Variants in SCAF8 observed in about 807,000 individuals in gnomAD.
SCAF8 encodes the protein SR-related and CTD-associated factor 8.
In SCAF8, 23 loss-of-function variants were observed where a neutral mutation model predicts 140.5. The ratio of observed to expected loss-of-function variants is 0.16; its 90% CI spans 0.12 to 0.23. The LOEUF is 0.23. SCAF8 is among the 10% of genes least tolerant of loss of function. The pLI is 1.00. For missense variants in SCAF8, 1,397 were observed against 1,555.7 expected (o/e 0.90, Z 1.72); for synonymous variants, 575 against 528.9 (o/e 1.09, Z -1.20).
intron 6 of SCAF8, among the ~76,000 whole-genome samples, chr6:154,796,395 C>CTGTCTGTT (rs1777610795): frequency 6.9e-6 from 1 of 145,646 alleles, no homozygotes; most frequent in African/African-American, 2.5e-5. Context: ...CTCTCTCTGT[C>CTGTCTGTT]TCTCTCTTTT....
At chr6:154,778,717 TCACAC>T (rs1776987272) in intron 3 of SCAF8, among the ~76,000 whole-genome samples, 1 of 151,462 alleles carries the variant, frequency 6.6e-6, no homozygotes, top group Admixed American at 6.6e-5. Flanking sequence ...TGAGCTGAGA[TCACAC>T]CACTGCACTC....
intron 1 of SCAF8, among the ~76,000 whole-genome samples, chr6:154,753,879 A>G (rs938912228): frequency 1.2e-4 from 19 of 152,128 alleles, no homozygotes; most frequent in Non-Finnish European, 4.4e-5. Flanking sequence ...ACTCTGTCAC[A>G]CAGGCTGGAG....
At chr6:154,760,965 C>CT (rs1168402537) in intron 1 of SCAF8, among the ~76,000 whole-genome samples, 3 of 150,462 alleles carry the variant, frequency 2.0e-5, no homozygotes, top group East Asian at 2.0e-4. Flanking sequence ...TTTCTTTTTT[C>CT]TTTTTTTTTA....
chr6:154,801,459 CAG>C (rs1491190789), intron 6 of SCAF8, among the ~76,000 whole-genome samples: 1 of 151,242 alleles, frequency 6.6e-6, no homozygotes, highest in Non-Finnish European at 1.5e-5. Flanking sequence ...TGTTTTTTAA[CAG>C]GGGTGGGTAC....
chr6:154,788,807 G>A (rs539241545), intron 4 of SCAF8, among the ~76,000 whole-genome samples: 1 of 152,272 alleles, frequency 6.6e-6, no homozygotes, highest in African/African-American at 2.4e-5. Flanking sequence ...TCATGAGCGA[G>A]CATAAAAAGG....
intron 1 of SCAF8, among the ~76,000 whole-genome samples, chr6:154,745,872 GTGTTTTT>G (rs982788305): frequency 7.2e-5 from 11 of 151,856 alleles, no homozygotes; most frequent in South Asian, 2.1e-4. Context: ...TGAACTCGTG[GTGTTTTT>G]TGTTTTTTGT....
At chr6:154,810,536 A>G (rs1213429651) in intron 12 of SCAF8, among the ~76,000 whole-genome samples, 2 of 152,214 alleles carry the variant, frequency 1.3e-5, no homozygotes, top group African/African-American at 4.8e-5. Flanking sequence ...CTTAGCAATT[A>G]TGGCCACCAG....
At chr6:154,808,298 C>T (rs1777982432) in intron 10 of SCAF8, 97 bp downstream of exon 10, 1 of 1,190,722 alleles carries the variant, frequency 8.4e-7, no homozygotes, top group Non-Finnish European at 1.2e-6. Context: ...ATATTTTTCC[C>T]ACACTTAAGC....
intron 4 of SCAF8, among the ~76,000 whole-genome samples, chr6:154,788,248 A>G (rs535388256): frequency 1.3e-5 from 2 of 152,196 alleles, no homozygotes; most frequent in Non-Finnish European, 2.9e-5. Flanking sequence ...TGCCTACAGT[A>G]TGCAGTACAG....
chr6:154,736,893 G>A (rs112808053), intron 1 of SCAF8, among the ~76,000 whole-genome samples: 19 of 152,116 alleles, frequency 1.2e-4, no homozygotes, highest in Admixed American at 3.9e-4. Flanking sequence ...TCAAAGTGGA[G>A]TTAGCTTAAA....
At chr6:154,808,410 A>C (rs1403615226) in intron 10 of SCAF8, among the ~76,000 whole-genome samples, 2 of 152,120 alleles carry the variant, frequency 1.3e-5, no homozygotes, top group African/African-American at 4.8e-5. Flanking sequence ...AATGCAGCCC[A>C]ACACAAATTT....
At chr6:154,830,243 A>G (rs181735748) in intron 18 of SCAF8, among the ~76,000 whole-genome samples, 105 of 152,348 alleles carry the variant, frequency 6.9e-4, no homozygotes, top group African/African-American at 1.8e-3. Context: ...CAGGTAATCT[A>G]GAGTTACATA....
chr6:154,789,344 C>T (rs1777345444), intron 4 of SCAF8, among the ~76,000 whole-genome samples: 1 of 151,802 alleles, frequency 6.6e-6, no homozygotes, highest in South Asian at 2.1e-4. Context: ...AATTCCTGAC[C>T]TTGTGATCCG....
intron 14 of SCAF8, 58 bp from the exon 15 acceptor site, chr6:154,820,119 C>A: frequency 7.5e-7 from 1 of 1,335,532 alleles, no homozygotes; most frequent in Non-Finnish European, 9.9e-7. Flanking sequence ...AACTTTTTAC[C>A]TTGTTTTTAT....
At chr6:154,817,221 A>C (rs553372699) in intron 13 of SCAF8, among the ~76,000 whole-genome samples, 69 of 152,324 alleles carry the variant, frequency 4.5e-4, no homozygotes, top group Middle Eastern at 3.4e-3. Flanking sequence ...AATTTTTAGC[A>C]AAGTGTCACA....
In SCAF8 at chr6:154,735,554, T is replaced by G. The variant is rs191066231; in HGVS notation, c.30+1624T>G. ...TTTTTTTGAGACAGAGTTTCGCTCT[T>G]GTTACCCAGGCTGGAGTGTCACCAT... On this transcript the variant is annotated intron_variant, in intron 1 of 19. Coordinates refer to ENST00000367178, the MANE Select transcript of SCAF8 (RefSeq NM_014892.5). Among the ~76,000 whole-genome samples, 285 of 150,972 alleles carry G rather than the reference T, an allele frequency of 1.9e-3. 1 individual carries two copies. The highest frequency in any genetic ancestry group is 6.5e-3 in the African/African-American group (265 of 40,942).
intron 1 of SCAF8, among the ~76,000 whole-genome samples, chr6:154,744,478 A>G (rs1488166451): frequency 6.6e-6 from 1 of 152,224 alleles, no homozygotes; most frequent in African/African-American, 2.4e-5. Flanking sequence ...AGCCATTACC[A>G]TGTTTCCGTG....
At chr6:154,821,011 A>G in intron 15 of SCAF8, among the ~76,000 whole-genome samples, 1 of 152,164 alleles carries the variant, frequency 6.6e-6, no homozygotes, top group Non-Finnish European at 1.5e-5. Context: ...TCTCAGACCA[A>G]GGTAAAATTT....
rs911787140 is a variant in SCAF8, at chr6:154,800,079, C to T, written c.607-1892C>T. On this transcript the variant is annotated intron_variant, in intron 6 of 19. Coordinates refer to ENST00000367178, the MANE Select transcript of SCAF8 (RefSeq NM_014892.5). ...GGGATTATAGACATGAGCCACCGCACCTGGCCGTGACTGCTATTTAAAACT... is the reference window on the plus strand; with the variant it reads ...GGGATTATAGACATGAGCCACCGCATCTGGCCGTGACTGCTATTTAAAACT... 4.0e-5 allele frequency among the ~76,000 whole-genome samples: 6 copies of T among 151,446 alleles called. 1 individual carries two copies. Among genetic ancestry groups the T allele is most frequent in the Non-Finnish European group, 8.9e-5 (6 of 67,760 alleles).
Sources: allele counts gnomAD v4.1 joint callset (sites outside exome capture counted in the v4.1 genomes callset), GRCh38; gene constraint gnomAD v4.1.1; transcripts MANE v1.5; gene names NCBI Gene and HGNC (gene_info 2026-07-23, HGNC 2026-07-21).